Variants in DECR2 observed in about 807,000 individuals in gnomAD.
DECR2 encodes peroxisomal 2,4-dienoyl-CoA reductase [(3E)-enoyl-CoA-producing].
DECR2 carries 34 observed loss-of-function variants against 29.2 expected under a neutral mutation model. The ratio of observed to expected loss-of-function variants is 1.16; its 90% CI spans 0.89 to 1.55. DECR2 has a LOEUF of 1.55. DECR2 is among the 40% of genes most tolerant of loss of function. The pLI, the probability that DECR2 is intolerant of heterozygous loss-of-function variation, is 0.00. For missense variants in DECR2, 485 were observed against 425.3 expected, an observed-to-expected ratio of 1.14 and a Z score of -1.23; for synonymous variants, 224 against 182.7, an observed-to-expected ratio of 1.23 and a Z score of -1.82.
chr16:409,752 T>C (rs2054787735), intron 4 of DECR2: 1 of 154,594 alleles, frequency 6.5e-6, no homozygotes. Flanking sequence ...AGAGCTATGC[T>C]CTCTGAAGGC....
At chr16:405,096 T>C in intron 2 of DECR2, 72 bp downstream of exon 2, 1 of 1,569,438 alleles carries the variant, frequency 6.4e-7, no homozygotes, top group African/African-American at 1.4e-5. Context: ...GCCCGACCCC[T>C]GGAAAGATGT....
At position 410,313 on chromosome 16, in the gene DECR2, C is replaced by T. The variant is rs773335348; in HGVS notation, c.408C>T (p.Ile136=). The T allele has an allele frequency of 8.1e-6, 13 of 1,613,412 alleles. No homozygotes were observed. The highest frequency in any genetic ancestry group is 8.0e-5 in the African/African-American group (6 of 74,888). Reference sequence around the variant, plus strand: ...ACGCCTTCAAGACCGTGATGGACATCGATACCAGCGGCACCTTCAATGTGT... The same window carrying T: ...ACGCCTTCAAGACCGTGATGGACATTGATACCAGCGGCACCTTCAATGTGT... ...SFNAFKTVMD[I]DTSGTFNVSR... is the part of the protein sequence containing the mutation. The change falls in exon 5 of 9, where the codon ATC becomes ATT. Residue 136 remains isoleucine (I), a synonymous_variant. Coordinates refer to ENST00000219481, the MANE Select transcript of DECR2 (RefSeq NM_020664.4). This position sits in a 1 kb window ranked among gnomAD's most constrained non-coding sequence, Gnocchi z 4.1.
chr16:405,109 G>A, intron 2 of DECR2, 85 bp downstream of exon 2: 2 of 1,529,224 alleles, frequency 1.3e-6, no homozygotes, highest in East Asian at 2.2e-5. Flanking sequence ...AAAGATGTTG[G>A]TGGGAGGTAG....
Position 405,006 on chromosome 16 carries a change from T to A in DECR2, c.131T>A (p.Ile44Asn), listed in dbSNP as rs2054708095. 2 of 1,614,024 alleles carry A rather than the reference T, an allele frequency of 1.2e-6. No individual in the cohort carries two copies. The highest frequency in any genetic ancestry group is 4.5e-5 in the East Asian group (2 of 44,886). Residue 44 changes from isoleucine (I) to asparagine (N), a missense_variant, in exon 2 of 9, where the codon ATT becomes AAT. Physicochemically the swap from Ile to Asn is moderately radical, Grantham distance 149. Transcript: ENST00000219481. ...TGGGSGIGFR[I>N]AEIFMRHGCH... ...GGCGGCTCTGGGATTGGGTTCCGGA[T>A]TGCTGAGATTTTCATGCGGTGAGAC...
At chr16:402,963 A>T (rs1339314586) in intron 1 of DECR2, 2 of 911,712 alleles carry the variant, frequency 2.2e-6, no homozygotes, top group African/African-American at 1.8e-5. Context: ...GGGCAACAAG[A>T]GTGAAACTCC....
chr16:406,419 TC>T, intron 3 of DECR2, 22 bp downstream of exon 3: 1 of 1,604,530 alleles, frequency 6.2e-7, no homozygotes. Context: ...TCTCCCATGG[TC>T]CCCTGTTCGG....
intron 3 of DECR2, chr16:406,788 C>T (rs1475950296): frequency 1.5e-6 from 1 of 662,260 alleles, no homozygotes; most frequent in Admixed American, 5.7e-5. Flanking sequence ...GTGTGAACCA[C>T]TGTGCCCGGC....
intron 8 of DECR2, 24 bp downstream of exon 8, chr16:411,602 G>A: frequency 1.3e-6 from 2 of 1,591,430 alleles, no homozygotes; most frequent in Non-Finnish European, 1.7e-6. Context: ...CCCGCTTCTT[G>A]GGGTCATCTG....
intron 3 of DECR2, 108 bp downstream of exon 3, chr16:406,505 T>C (rs2054725957): frequency 8.2e-7 from 1 of 1,217,200 alleles, no homozygotes; most frequent in Non-Finnish European, 1.2e-6. Context: ...CACCAAAACT[T>C]TTTTTTTCTG....
intron 1 of DECR2, 88 bp from the exon 2 acceptor site, chr16:404,868 C>A: frequency 7.7e-7 from 1 of 1,297,272 alleles, no homozygotes; most frequent in Non-Finnish European, 1.1e-6. Flanking sequence ...GACCTTGTGG[C>A]CCACCCACCT....
At chr16:411,682 C>A in intron 8 of DECR2, 104 bp downstream of exon 8, 1 of 1,304,340 alleles carries the variant, frequency 7.7e-7, no homozygotes, top group Non-Finnish European at 1.0e-6. Context: ...CTCCTTTGTC[C>A]CCATCCTCCC....
chr16:411,257 G>C (rs2054815363), intron 7 of DECR2, 104 bp from the exon 8 acceptor site: 2 of 1,283,982 alleles, frequency 1.6e-6, no homozygotes, highest in Non-Finnish European at 2.1e-6. Flanking sequence ...GACACTGACT[G>C]TGTCCTTGCT....
Position 410,109 on chromosome 16 carries a change from G to T in DECR2, c.338-134G>T. On this transcript the variant is annotated intron_variant, in intron 4 of 8. Transcript: ENST00000219481. The surrounding 1 kb of genome is among the most constrained non-coding windows in gnomAD (Gnocchi z 4.1). ...CTGGTCATTTTGGAATTTATCCTAG[G>T]GCATGGGTCTCCTCCCTGTGCCACA... 1 of 1,293,904 alleles carries T rather than the reference G, an allele frequency of 7.7e-7. No homozygotes were observed. The allele number at this position is 1,293,904 out of a possible 1,614,324, so 80.2% of individuals were successfully genotyped here.
chr16:411,587 C>G lies in DECR2; in HGVS notation c.*9C>G, dbSNP rs1165323392. Reference sequence around the variant, plus strand: ...TCTCTGCTAAGCTCTAGGTGAGGTACTGCTCCCGCTTCTTGGGGTCATCTG... The same window carrying G: ...TCTCTGCTAAGCTCTAGGTGAGGTAGTGCTCCCGCTTCTTGGGGTCATCTG... On this transcript the variant is annotated intron_variant, in intron 8 of 8. Coordinates refer to ENST00000219481, the MANE Select transcript of DECR2 (RefSeq NM_020664.4). 2 of 1,602,412 alleles carry G rather than the reference C, an allele frequency of 1.2e-6. No homozygotes were observed. The highest frequency in any genetic ancestry group is 1.7e-6 in the Non-Finnish European group (2 of 1,172,538).
chr16:411,075 G>C lies in DECR2; in HGVS notation c.660G>C (p.Leu220=). The part of the protein sequence containing the change: ...PISGTEGLRR[L]GGPQASLSTK... The stretch of plus-strand genomic sequence containing the variant: ...GTGGCACAGAGGGGCTCCGGCGACT[G>C]GGTAAGGCTCTCAGGGAGCCCAGGC... Residue 220 remains leucine (L), a splice_region_variant and synonymous_variant, in exon 7 of 9, where the codon CTG becomes CTC. Transcript: ENST00000219481. The C allele has an allele frequency of 6.6e-7, 1 of 1,525,656 alleles. No homozygotes were observed. The highest frequency in any genetic ancestry group is 1.4e-5 in the African/African-American group (1 of 72,126). 94.5% of individuals were successfully genotyped at this position (1,525,656 alleles called of 1,614,324 possible). A position where few individuals can be genotyped will look rare whatever the true frequency, so the allele number is the denominator to read the frequency against.
intron 2 of DECR2, 34 bp from the exon 3 acceptor site, chr16:406,312 C>T (rs764591203): frequency 1.2e-6 from 2 of 1,601,538 alleles, no homozygotes; most frequent in South Asian, 1.1e-5. Context: ...GCCCCTCGCC[C>T]ACACTGCCCT....
chr16:404,029 T>C (rs566609037), intron 1 of DECR2, among the ~76,000 whole-genome samples: 16 of 151,836 alleles, frequency 1.1e-4, no homozygotes, highest in Non-Finnish European at 1.5e-4. Flanking sequence ...AAAAATTAGC[T>C]GGGCGTGGTG....
Position 402,080 on chromosome 16 carries a change from CG to C in DECR2, c.80+41del, listed in dbSNP as rs1164903745. The stretch of plus-strand genomic sequence containing the variant: ...CTGGGAAGCGAGCGCAGCCTTGGTG[CG>C]GGGTCCGGTCCGCGGGCGCCGGCGC... On this transcript the variant is annotated intron_variant, in intron 1 of 8. Transcript: ENST00000219481. 2.4e-6 allele frequency: 3 copies of C among 1,255,420 alleles called. No homozygotes were observed. In the Admixed American group the frequency reaches 1.3e-4, roughly 55 times the overall value. The allele number at this position is 1,255,420 out of a possible 1,614,324, so 77.8% of individuals were successfully genotyped here.
At chr16:404,671 C>T (rs2054704307) in intron 1 of DECR2, among the ~76,000 whole-genome samples, 1 of 151,306 alleles carries the variant, frequency 6.6e-6, no homozygotes, top group Non-Finnish European at 1.5e-5. Context: ...GCTCTTTTGC[C>T]CAGGCTGGAG....
Sources: allele counts gnomAD v4.1 joint callset (sites outside exome capture counted in the v4.1 genomes callset), GRCh38; gene constraint gnomAD v4.1.1; non-coding constraint Gnocchi (gnomAD v3.1); transcripts MANE v1.5; gene names NCBI Gene and HGNC (gene_info 2026-07-23, HGNC 2026-07-21).